STAC: variants seen among roughly 807,000 people sequenced by gnomAD.
STAC encodes SH3 and cysteine-rich domain-containing protein.
A neutral mutation model predicts 48.8 loss-of-function variants in STAC; 43 were observed. That is an observed-to-expected ratio of 0.88 (90% confidence interval 0.69 to 1.14). The LOEUF is 1.14. Ranked by LOEUF, STAC falls within the 50% of genes most tolerant of loss-of-function variation. The pLI is 0.00. For synonymous variants in STAC, 193 were observed against 179.5 expected (o/e 1.07, Z -0.60); for missense variants, 497 against 504.0 (o/e 0.99, Z 0.13).
intron 10 of STAC, among the ~76,000 whole-genome samples, chr3:36,538,539 G>A (rs1294518933): frequency 6.6e-5 from 10 of 152,092 alleles, no homozygotes; most frequent in Admixed American, 2.6e-4. Flanking sequence ...GGAATTTAGC[G>A]GAAAACAGAT....
At chr3:36,496,355 C>G (rs989308932) in intron 6 of STAC, among the ~76,000 whole-genome samples, 8 of 152,174 alleles carry the variant, frequency 5.3e-5, no homozygotes, top group African/African-American at 1.9e-4. Flanking sequence ...ATATGTGGTC[C>G]AAGTTCCCAC....
At chr3:36,477,906 T>G (rs1238180917) in intron 2 of STAC, among the ~76,000 whole-genome samples, 1 of 152,206 alleles carries the variant, frequency 6.6e-6, no homozygotes, top group East Asian at 1.9e-4. Context: ...TGACCCTGTT[T>G]CCAGAGACTT....
chr3:36,461,383 G>A (rs1013192661), intron 2 of STAC, among the ~76,000 whole-genome samples: 2 of 152,140 alleles, frequency 1.3e-5, no homozygotes, highest in Non-Finnish European at 2.9e-5. Context: ...CTCCTCTTGT[G>A]CTAAACCCTG....
chr3:36,402,577 A>T (rs1192612882), intron 1 of STAC, among the ~76,000 whole-genome samples: 1 of 152,176 alleles, frequency 6.6e-6, no homozygotes, highest in Non-Finnish European at 1.5e-5. Context: ...TAGCCTAGGA[A>T]GTCACCCAAA....
intron 4 of STAC, 128 bp from the exon 5 acceptor site, chr3:36,486,006 T>A: frequency 1.5e-6 from 1 of 671,328 alleles, no homozygotes; most frequent in Non-Finnish European, 2.6e-6. Flanking sequence ...AAGCCCTGTC[T>A]ACCCAGAGGC....
At chr3:36,407,433 A>G in intron 1 of STAC, among the ~76,000 whole-genome samples, 1 of 152,206 alleles carries the variant, frequency 6.6e-6, no homozygotes, top group East Asian at 1.9e-4. Context: ...CATAAATGAG[A>G]AGTGCCAAAA....
intron 1 of STAC, among the ~76,000 whole-genome samples, chr3:36,398,589 GAAGGAAGGAAGA>G (rs1294853195): frequency 0.015 from 1,244 of 82,602 alleles, 78 homozygotes; most frequent in African/African-American, 0.028. Context: ...AGGAAGGAAG[GAAGGAAGGAAGA>G]AAGGAAGGAG....
At chr3:36,481,628 C>T (rs1697649496) in intron 2 of STAC, among the ~76,000 whole-genome samples, 2 of 152,156 alleles carry the variant, frequency 1.3e-5, no homozygotes, top group Non-Finnish European at 2.9e-5. Flanking sequence ...ATCCTGTTGT[C>T]TCTCCAGGTT....
chr3:36,498,467 T>C (rs997287463), intron 6 of STAC, among the ~76,000 whole-genome samples: 2 of 152,092 alleles, frequency 1.3e-5, no homozygotes, highest in Non-Finnish European at 2.9e-5. Context: ...AAAGAGAGAA[T>C]GGGGCCCCAG....
At chr3:36,393,826 C>T (rs970560533) in intron 1 of STAC, among the ~76,000 whole-genome samples, 1 of 151,576 alleles carries the variant, frequency 6.6e-6, no homozygotes, top group Non-Finnish European at 1.5e-5. Context: ...TTGCTTAAGC[C>T]ACCCAGTCTG....
At position 36,524,031 on chromosome 3, in the gene STAC, AGGCTGTGG is replaced by A. The variant is rs1288840007; in HGVS notation, c.921-4662_921-4655del. Among the ~76,000 whole-genome samples the A allele has an allele frequency of 1.5e-4, 23 of 152,300 alleles. No homozygotes were observed. In the South Asian group the frequency reaches 3.9e-3, roughly 26 times the overall value. On this transcript the variant is annotated intron_variant, in intron 8 of 10. Transcript: ENST00000273183. ...CTACAGTAGGCAGATTATGTATGGC[AGGCTGTGG>A]GGTAGGCTAGGTTTCCAGGGGCTCC...
chr3:36,491,151 C>A (rs1234416897), intron 5 of STAC, among the ~76,000 whole-genome samples: 1 of 151,540 alleles, frequency 6.6e-6, no homozygotes, highest in Non-Finnish European at 1.5e-5. Context: ...CAGCATCCTG[C>A]ATTTTTTATT....
rs1700174187 is a variant in STAC at position 36,410,592 on chromosome 3, G to A, written c.111+29838G>A. Among the ~76,000 whole-genome samples the A allele has an allele frequency of 2.6e-5, 4 of 152,074 alleles. No homozygotes were observed. In the South Asian group the frequency reaches 8.3e-4, roughly 31 times the overall value. ...GCTGACTGTATTTATATGCGTGTTT[G>A]GATATTTTCTGTTTGTTTTGGAGAA... is the stretch of plus-strand genomic sequence containing the variant. On this transcript the variant is annotated intron_variant, in intron 1 of 10. Coordinates refer to ENST00000273183, the MANE Select transcript of STAC (RefSeq NM_003149.3).
chr3:36,478,514 A>T (rs1697553122), intron 2 of STAC, among the ~76,000 whole-genome samples: 1 of 152,124 alleles, frequency 6.6e-6, no homozygotes, highest in Non-Finnish European at 1.5e-5. Flanking sequence ...TATTTTATTG[A>T]GACGGAATCT....
intron 6 of STAC, among the ~76,000 whole-genome samples, 163 bp from the exon 7 acceptor site, chr3:36,504,230 T>C (rs1575245850): frequency 6.6e-6 from 1 of 152,158 alleles, no homozygotes; most frequent in African/African-American, 2.4e-5. Flanking sequence ...AGAAGAGACA[T>C]GTGGAAGACC....
chr3:36,434,605 G>A (rs1026579564), intron 1 of STAC, among the ~76,000 whole-genome samples: 16 of 152,172 alleles, frequency 1.1e-4, no homozygotes, highest in Admixed American at 6.5e-5. Flanking sequence ...GAGTTGATAT[G>A]GTGACTGTGC....
intron 1 of STAC, among the ~76,000 whole-genome samples, chr3:36,424,560 G>A (rs992528508): frequency 1.1e-4 from 17 of 152,162 alleles, no homozygotes; most frequent in East Asian, 1.9e-4. Flanking sequence ...CATCTAGTGC[G>A]CAGACATCTC....
intron 8 of STAC, among the ~76,000 whole-genome samples, chr3:36,509,722 T>A (rs1698489450): frequency 6.6e-6 from 1 of 151,888 alleles, no homozygotes; most frequent in African/African-American, 2.4e-5. Flanking sequence ...GGATTCTCTA[T>A]TTAATAAACT....
In STAC at chr3:36,485,032, G is replaced by T. The variant is rs1258299544; in HGVS notation, c.545G>T (p.Gly182Val). The T allele has an allele frequency of 6.2e-7, 1 of 1,603,310 alleles. No individual in the cohort carries two copies. Among genetic ancestry groups the T allele is most frequent in the African/African-American group, 1.3e-5 (1 of 74,596 alleles). ...CCCTTGCTCATTCATGAACAGTTTGGCTGCATTAAAGAAGTTATGCCCATT... is the reference window on the plus strand; with the variant it reads ...CCCTTGCTCATTCATGAACAGTTTGTCTGCATTAAAGAAGTTATGCCCATT... The part of the protein sequence containing the change: ...SSPLLIHEQF[G>V]CIKEVMPIAC... The change falls in exon 4 of 11, where the codon GGC (glycine) becomes GTC (valine). Residue 182 changes from glycine (G) to valine (V), a missense_variant. Transcript: ENST00000273183.
Sources: gnomAD v4.1 joint callset for allele counts (sites outside exome capture counted in the v4.1 genomes callset) on GRCh38, gnomAD v4.1.1 for gene constraint, MANE v1.5 for transcripts, NCBI Gene and HGNC (gene_info 2026-07-23, HGNC 2026-07-21) for gene names.